Variants in CD34 observed in about 807,000 individuals in gnomAD.
The protein encoded by CD34 is hematopoietic progenitor cell antigen CD34.
CD34 carries 34 observed loss-of-function variants against 40.1 expected under a neutral mutation model. That is an observed-to-expected ratio of 0.85 (90% CI 0.65 to 1.13). The LOEUF (loss-of-function observed/expected upper bound fraction) is 1.13, where lower values mean the gene tolerates loss of function less well. Ranked by LOEUF, CD34 falls within the 50% of genes most tolerant of loss-of-function variation. The pLI is 0.00. For synonymous variants in CD34, 209 were observed against 190.0 expected, an observed-to-expected ratio of 1.10 and a Z score of -0.82; for missense variants, 426 against 466.9, an observed-to-expected ratio of 0.91 and a Z score of 0.81.
At chr1:207,900,080 T>A in intron 1 of CD34, 77 bp from the exon 2 acceptor site, 3 of 1,152,990 alleles carry the variant, frequency 2.6e-6, no homozygotes, top group Middle Eastern at 4.1e-4. Flanking sequence ...ATTTCCTGAC[T>A]TCAGGTAGAA....
chr1:207,887,909 A>G lies in CD34; in HGVS notation c.987T>C (p.Tyr329=), dbSNP rs1339921976. 2.5e-6 allele frequency: 4 copies of G among 1,613,844 alleles called. No homozygotes were observed. In the Admixed American group the frequency reaches 6.7e-5, roughly 27 times the overall value. ...PTGERLGEDP[Y]YTENGGGQGY... ...CCTGGCCTCCACCGTTTTCCGTGTA[A>G]TAAGGGTCTTCGCCCTAGACAGTGT... The change falls in exon 8 of 8, where the codon TAT becomes TAC. Residue 329 remains tyrosine, a synonymous_variant. Coordinates refer to ENST00000310833, the MANE Select transcript of CD34 (RefSeq NM_001025109.2).
chr1:207,889,346 C>G (rs549125455), intron 5 of CD34, 119 bp downstream of exon 5: 1 of 1,540,804 alleles, frequency 6.5e-7, no homozygotes, highest in Non-Finnish European at 8.8e-7. Context: ...CAAAGCCAGC[C>G]AAGTCCTTCT....
At chr1:207,907,070 G>A (rs1285206710) in intron 1 of CD34, among the ~76,000 whole-genome samples, 1 of 152,006 alleles carries the variant, frequency 6.6e-6, no homozygotes, top group African/African-American at 2.4e-5. Context: ...CCAAGGTAAA[G>A]TAAGTTACTT....
intron 4 of CD34, among the ~76,000 whole-genome samples, chr1:207,895,925 A>G (rs1180490397): frequency 6.6e-6 from 1 of 152,178 alleles, no homozygotes; most frequent in Admixed American, 6.5e-5. Flanking sequence ...TTGTATGTTC[A>G]TGTTTAAGTT....
chr1:207,910,250 C>A (rs545726311), intron 1 of CD34, among the ~76,000 whole-genome samples: 1 of 152,148 alleles, frequency 6.6e-6, no homozygotes, highest in African/African-American at 2.4e-5. Context: ...AAGAAAACTC[C>A]AAAAGGTGAC....
chr1:207,889,914 G>T (rs1248441094), intron 4 of CD34: 1 of 1,497,670 alleles, frequency 6.7e-7, no homozygotes, highest in African/African-American at 1.4e-5. Flanking sequence ...GTACACATAT[G>T]CAAATTAAAC....
At position 207,885,540 on chromosome 1, in the gene CD34, C is replaced by T. The variant is rs571727427; in HGVS notation, c.*2198G>A. The T allele has an allele frequency of 6.6e-6, 1 of 152,090 alleles. No homozygotes were observed. The highest frequency in any genetic ancestry group is 1.5e-5 in the Non-Finnish European group (1 of 68,058). 9.4% of individuals were successfully genotyped at this position (152,090 alleles called of 1,614,324 possible). ...GAATCTGAACCCTGAACCCACCCCT[C>T]CTACTTGATGTCCTAGCTGGGACAG... On this transcript the variant is annotated 3_prime_UTR_variant, in exon 8 of 8. Coordinates refer to ENST00000310833, the MANE Select transcript of CD34 (RefSeq NM_001025109.2).
At chr1:207,900,059 C>T (rs1018003548) in intron 1 of CD34, 56 bp from the exon 2 acceptor site, 11 of 1,349,490 alleles carry the variant, frequency 8.2e-6, no homozygotes, top group Admixed American at 2.2e-5. Flanking sequence ...CTGGTGATAT[C>T]ACCTGATGCA....
chr1:207,889,694 T>C (rs554800312), intron 4 of CD34, 73 bp from the exon 5 acceptor site: 1 of 1,608,368 alleles, frequency 6.2e-7, no homozygotes, highest in Admixed American at 1.7e-5. Flanking sequence ...CCAGAGTCTC[T>C]GATTACAGTC....
intron 1 of CD34, among the ~76,000 whole-genome samples, chr1:207,907,813 C>T (rs2102307577): frequency 6.6e-6 from 1 of 152,276 alleles, no homozygotes; most frequent in South Asian, 2.1e-4. Flanking sequence ...AGAATGTTCT[C>T]ATTAGAGAAG....
rs949982242 is a variant in CD34 at position 207,911,112 on chromosome 1, G to A, written c.-32C>T. The A allele has an allele frequency of 1.3e-6, 2 of 1,548,050 alleles. No individual in the cohort carries two copies. The highest frequency in any genetic ancestry group is 1.7e-6 in the Non-Finnish European group (2 of 1,149,800). On this transcript the variant is annotated 5_prime_UTR_variant, in exon 1 of 8. Coordinates refer to ENST00000310833, the MANE Select transcript of CD34 (RefSeq NM_001025109.2). ...CGCGCGGCTCCTAGAGAGACGCACC[G>A]AGTGGAAGACACTACTCGGCTTGGC... is the stretch of plus-strand genomic sequence containing the variant.
In CD34 at chr1:207,889,117, T is replaced by A. The variant is rs763216043; in HGVS notation, c.807+44A>T. 9.1e-6 allele frequency: 11 copies of A among 1,212,738 alleles called. No individual in the cohort carries two copies. The South Asian group carries it at 1.3e-4, about 15-fold the overall frequency. 75.1% of individuals were successfully genotyped at this position (1,212,738 alleles called of 1,614,324 possible). A position where few individuals can be genotyped will look rare whatever the true frequency, so the allele number is the denominator to read the frequency against. ...CCCCCCTTACTCCAGGGAGCCCCCC[T>A]GCCCCGGCATTCCCTCTCAGGCCCA... On this transcript the variant is annotated intron_variant, in intron 6 of 7. Coordinates refer to ENST00000310833, the MANE Select transcript of CD34 (RefSeq NM_001025109.2).
At chr1:207,889,925 T>C (rs955700416) in intron 4 of CD34, 21 of 1,486,086 alleles carry the variant, frequency 1.4e-5, no homozygotes, top group Non-Finnish European at 1.7e-5. Flanking sequence ...CAAATTAAAC[T>C]CAAAAGAAAT....
chr1:207,887,806 T>A lies in CD34; in HGVS notation c.1090A>T (p.Thr364Ser), dbSNP rs1157652886. The A allele has an allele frequency of 4.3e-6, 7 of 1,614,076 alleles. No homozygotes were observed. Among genetic ancestry groups the A allele is most frequent in the Non-Finnish European group, 5.9e-6 (7 of 1,180,040 alleles). ...CCGTTTCTGGAGGTGGCCTGGCCGG[T>A]CCCGTTTTCCTGAGCCCCTCGGTTC... ...SVNRGAQENG[T>S]GQATSRNGHS... The change falls in exon 8 of 8, where the codon ACC (threonine) becomes TCC (serine). Residue 364 changes from threonine (T) to serine (S), a missense_variant. By Grantham distance (58) the Thr-to-Ser change is moderately conservative. Transcript: ENST00000310833.
chr1:207,891,538 C>T (rs1032271923), intron 4 of CD34, among the ~76,000 whole-genome samples: 7 of 151,656 alleles, frequency 4.6e-5, no homozygotes, highest in African/African-American at 1.5e-4. Context: ...AGAAATTCAA[C>T]CGGGTGTGGT....
intron 1 of CD34, among the ~76,000 whole-genome samples, chr1:207,908,919 T>C (rs113112381): frequency 2.0e-5 from 3 of 152,326 alleles, no homozygotes; most frequent in African/African-American, 7.2e-5. Flanking sequence ...AAATCCCCTC[T>C]ACCCTAAATT....
Position 207,893,800 on chromosome 1 carries a change from C to G in CD34, c.597+3693G>C, listed in dbSNP as rs150349634. On this transcript the variant is annotated intron_variant, in intron 4 of 7. Coordinates refer to ENST00000310833, the MANE Select transcript of CD34 (RefSeq NM_001025109.2). ...TTCCCCAAAGAAGATATACAAATGG[C>G]CAACAAACACATGAAAGAGGCTCAA... 2.4e-4 allele frequency among the ~76,000 whole-genome samples: 36 copies of G among 152,192 alleles called. 1 individual carries two copies. The highest frequency in any genetic ancestry group is 6.8e-3 in the Middle Eastern group (2 of 294).
In CD34 at chr1:207,899,076, A is replaced by G. The variant is rs373027811; in HGVS notation, c.413T>C (p.Leu138Pro). 2 of 1,614,098 alleles carry G rather than the reference A, an allele frequency of 1.2e-6. No homozygotes were observed. The highest frequency in any genetic ancestry group is 2.7e-5 in the African/African-American group (2 of 74,942). The change falls in exon 3 of 8, where the codon CTG becomes CCG. Residue 138 changes from leucine (L) to proline (P), a missense_variant. By Grantham distance (98) the Leu-to-Pro change is moderately conservative. Coordinates refer to ENST00000310833, the MANE Select transcript of CD34 (RefSeq NM_001025109.2). ...STPETTLKPSLSPGNVSDLST... is the reference protein window; with the variant it reads ...STPETTLKPSPSPGNVSDLST... The stretch of plus-strand genomic sequence containing the variant: ...AAGGTCTGAAACATTTCCAGGTGAC[A>G]GGCTAGGCTTCAAGGTTGTCTCTGG...
chr1:207,909,835 G>C (rs888963764), intron 1 of CD34, among the ~76,000 whole-genome samples: 1 of 152,204 alleles, frequency 6.6e-6, no homozygotes. Context: ...ACTTCTCTCA[G>C]AGCTTCCTCC....
Sources: allele counts gnomAD v4.1 joint callset (sites outside exome capture counted in the v4.1 genomes callset), GRCh38; gene constraint gnomAD v4.1.1; transcripts MANE v1.5; gene names NCBI Gene and HGNC (gene_info 2026-07-23, HGNC 2026-07-21).